The following SYT14 variants were observed in gnomAD, a reference collection of about 807,000 sequenced individuals.
SYT14 encodes the protein synaptotagmin-14.
A neutral mutation model predicts 74.2 loss-of-function variants in SYT14; 32 were observed. The observed-to-expected ratio is 0.43, with a 90% CI of 0.33 to 0.58. The LOEUF is 0.58. SYT14 is among the 20% of genes least tolerant of loss of function. The pLI is 0.05. For synonymous variants in SYT14, 298 were observed against 337.7 expected (o/e 0.88, Z 1.29); for missense variants, 791 against 981.8 (o/e 0.81, Z 2.60).
At chr1:210,064,740 CTGAT>C (rs571039718) in intron 5 of SYT14, among the ~76,000 whole-genome samples, 145 of 152,160 alleles carry the variant, frequency 9.5e-4, no homozygotes, top group Non-Finnish European at 1.8e-3. Context: ...GTGCAAGTGT[CTGAT>C]TGAGTTGCTG....
intron 2 of SYT14, among the ~76,000 whole-genome samples, chr1:210,009,815 C>T (rs545032001): frequency 1.6e-4 from 25 of 152,086 alleles, no homozygotes; most frequent in Non-Finnish European, 2.9e-4. Flanking sequence ...TTCCTCTTTC[C>T]TCCCATGCTC....
At chr1:210,003,435 A>G (rs2079936531) in intron 2 of SYT14, among the ~76,000 whole-genome samples, 1 of 152,090 alleles carries the variant, frequency 6.6e-6, no homozygotes. Context: ...GTGTGTCCTG[A>G]TTTCACATTC....
chr1:210,007,153 T>A (rs2080004928), intron 2 of SYT14, among the ~76,000 whole-genome samples: 1 of 151,942 alleles, frequency 6.6e-6, no homozygotes, highest in Non-Finnish European at 1.5e-5. Flanking sequence ...GTTTATTTTT[T>A]GTAAATACAT....
At chr1:210,051,685 T>TA (rs1430162781) in intron 5 of SYT14, among the ~76,000 whole-genome samples, 5 of 152,206 alleles carry the variant, frequency 3.3e-5, no homozygotes, top group African/African-American at 1.2e-4. Context: ...TTTCTTTTGT[T>TA]ACTTATTTTG....
chr1:210,025,627 GAGA>G (rs2080395286), intron 5 of SYT14, among the ~76,000 whole-genome samples: 1 of 151,392 alleles, frequency 6.6e-6, no homozygotes, highest in Non-Finnish European at 1.5e-5. Context: ...TGCAGGAGTA[GAGA>G]AGATTAGAGA....
At chr1:209,957,471 G>T (rs1001167058) in intron 2 of SYT14, among the ~76,000 whole-genome samples, 2 of 151,946 alleles carry the variant, frequency 1.3e-5, no homozygotes, top group African/African-American at 4.8e-5. Context: ...TTGTCACCCA[G>T]GCTGGAGTGC....
intron 7 of SYT14, among the ~76,000 whole-genome samples, chr1:210,111,281 G>C (rs1364019217): frequency 6.6e-6 from 1 of 152,096 alleles, no homozygotes; most frequent in South Asian, 2.1e-4. Flanking sequence ...CTGGTGGGCA[G>C]GGGTGGGTGT....
chr1:210,035,007 G>A (rs909244550), intron 5 of SYT14, among the ~76,000 whole-genome samples: 23 of 151,760 alleles, frequency 1.5e-4, no homozygotes, highest in African/African-American at 5.1e-4. Flanking sequence ...TGGGATTGCT[G>A]GATTGAATGG....
intron 2 of SYT14, among the ~76,000 whole-genome samples, chr1:210,011,763 T>TG (rs2080090787): frequency 6.6e-6 from 1 of 152,184 alleles, no homozygotes; most frequent in African/African-American, 2.4e-5. Context: ...ACATTTTAGT[T>TG]GCTGCTTGAA....
intron 5 of SYT14, among the ~76,000 whole-genome samples, chr1:210,086,848 A>C (rs2081743436): frequency 6.6e-6 from 1 of 152,198 alleles, no homozygotes; most frequent in African/African-American, 2.4e-5. Context: ...ATCCAACACC[A>C]CAGAATTTGT....
intron 7 of SYT14, among the ~76,000 whole-genome samples, chr1:210,152,156 C>T (rs1402110522): frequency 6.6e-6 from 1 of 152,136 alleles, no homozygotes; most frequent in Non-Finnish European, 1.5e-5. Context: ...GTCATGAAAA[C>T]ATACCAAACT....
exon 10 of SYT14, chr1:210,164,335 CAT>C (rs1027027277): frequency 7.9e-5 from 17 of 215,788 alleles, no homozygotes; most frequent in African/African-American, 3.3e-4. Flanking sequence ...TTAATATACA[CAT>C]GTTTAAATGT....
At chr1:210,144,439 T>G (rs1472566631) in intron 7 of SYT14, among the ~76,000 whole-genome samples, 1 of 152,178 alleles carries the variant, frequency 6.6e-6, no homozygotes, top group Non-Finnish European at 1.5e-5. Flanking sequence ...CTTACTAAAG[T>G]CACGGTCCTG....
chr1:210,011,391 A>G (rs1490364307), intron 2 of SYT14, among the ~76,000 whole-genome samples: 1 of 152,184 alleles, frequency 6.6e-6, no homozygotes, highest in East Asian at 1.9e-4. Context: ...TGAGGACAAG[A>G]CAGGCAAGGC....
In SYT14 at chr1:209,969,615, G is replaced by A. The variant is rs1437997912; in HGVS notation, c.-486+16859G>A. On this transcript the variant is annotated intron_variant, in intron 2 of 9. Transcript: ENST00000637265. Reference sequence around the variant, plus strand: ...TGATTCTCCTTCCTCAGCCTCCCAAGTAGCTGGGACTACAGGCGCGTGCCA... The same window carrying A: ...TGATTCTCCTTCCTCAGCCTCCCAAATAGCTGGGACTACAGGCGCGTGCCA... Among the ~76,000 whole-genome samples the A allele has an allele frequency of 2.0e-5, 3 of 150,542 alleles. No homozygotes were observed. In the Admixed American group the frequency reaches 2.0e-4, roughly 10 times the overall value.
chr1:210,007,347 A>G (rs1246697613), intron 2 of SYT14, among the ~76,000 whole-genome samples: 1 of 151,986 alleles, frequency 6.6e-6, no homozygotes, highest in Non-Finnish European at 1.5e-5. Flanking sequence ...TATAGCTCAC[A>G]GAGAGCAGTT....
intron 6 of SYT14, among the ~76,000 whole-genome samples, chr1:210,099,800 T>C (rs539394435): frequency 6.6e-6 from 1 of 152,350 alleles, no homozygotes; most frequent in Non-Finnish European, 1.5e-5. Context: ...AACGTGTCTT[T>C]ATTATCATAA....
chr1:210,152,796 T>C (rs1410353821), intron 7 of SYT14, among the ~76,000 whole-genome samples: 1 of 152,214 alleles, frequency 6.6e-6, no homozygotes, highest in African/African-American at 2.4e-5. Context: ...CTTTATAATG[T>C]TACCACCTAT....
At chr1:210,108,179 T>C (rs1448983411) in intron 7 of SYT14, among the ~76,000 whole-genome samples, 1 of 152,194 alleles carries the variant, frequency 6.6e-6, no homozygotes, top group African/African-American at 2.4e-5. Context: ...CACAAAGCAG[T>C]TCTGGAAGTA....
Sources: gnomAD v4.1 joint callset for allele counts (sites outside exome capture counted in the v4.1 genomes callset) on GRCh38, gnomAD v4.1.1 for gene constraint, MANE v1.5 for transcripts, NCBI Gene and HGNC (gene_info 2026-07-23, HGNC 2026-07-21) for gene names.